ZNF804B: variants seen among roughly 807,000 people sequenced by gnomAD.
The protein encoded by ZNF804B is zinc finger protein 804B.
A neutral mutation model predicts 101.4 loss-of-function variants in ZNF804B; 80 were observed. That is an observed-to-expected ratio of 0.79 (90% confidence interval 0.66 to 0.95). ZNF804B has a LOEUF of 0.95. Among genes scored for constraint, ZNF804B ranks in the 40% least tolerant of loss-of-function variants. The pLI, the probability that ZNF804B is intolerant of heterozygous loss-of-function variation, is 0.00. For missense variants in ZNF804B, 1,673 were observed against 1,561.9 expected, an observed-to-expected ratio of 1.07 and a Z score of -1.20; for synonymous variants, 622 against 558.8, an observed-to-expected ratio of 1.11 and a Z score of -1.59.
In ZNF804B at chr7:89,013,897, A is replaced by G. The variant is rs1788500443; in HGVS notation, c.109-204258A>G. On this transcript the variant is annotated intron_variant, in intron 1 of 3. Coordinates refer to ENST00000333190, the MANE Select transcript of ZNF804B (RefSeq NM_181646.5). ...TAACTTTCTGTTACCAGCTTATTTTATTTAACAACCGCAGGGTCATTTATG... is the reference window on the plus strand; with the variant it reads ...TAACTTTCTGTTACCAGCTTATTTTGTTTAACAACCGCAGGGTCATTTATG... Among the ~76,000 whole-genome samples the G allele has an allele frequency of 3.9e-5, 6 of 152,286 alleles. No homozygotes were observed. The South Asian group carries it at 1.2e-3, about 32-fold the overall frequency.
chr7:89,162,421 A>G (rs761219962), intron 1 of ZNF804B, among the ~76,000 whole-genome samples: 43 of 152,288 alleles, frequency 2.8e-4, no homozygotes, highest in East Asian at 9.7e-4. Flanking sequence ...TGACCCAAAA[A>G]TAGAATCTAG....
At chr7:88,863,567 A>G (rs1415982549) in intron 1 of ZNF804B, among the ~76,000 whole-genome samples, 2 of 152,218 alleles carry the variant, frequency 1.3e-5, no homozygotes, top group Non-Finnish European at 2.9e-5. Flanking sequence ...AAAAAATGAA[A>G]TGAATAATAC....
intron 1 of ZNF804B, among the ~76,000 whole-genome samples, chr7:89,104,925 G>T (rs1790112566): frequency 6.6e-6 from 1 of 152,054 alleles, no homozygotes; most frequent in South Asian, 2.1e-4. Context: ...ACGCAAACAT[G>T]TTCTTCTACT....
intron 1 of ZNF804B, among the ~76,000 whole-genome samples, chr7:88,973,337 A>G (rs1349054611): frequency 6.6e-6 from 1 of 151,368 alleles, no homozygotes; most frequent in Non-Finnish European, 1.5e-5. Context: ...AGCTTGTAAG[A>G]TATAGAATAA....
At chr7:89,208,471 A>C (rs771356989) in intron 1 of ZNF804B, among the ~76,000 whole-genome samples, 2 of 152,206 alleles carry the variant, frequency 1.3e-5, no homozygotes, top group Non-Finnish European at 2.9e-5. Flanking sequence ...ATCATTAAGA[A>C]ATCTGGAAAT....
At chr7:89,079,937 A>G (rs1789671375) in intron 1 of ZNF804B, among the ~76,000 whole-genome samples, 2 of 152,070 alleles carry the variant, frequency 1.3e-5, no homozygotes, top group Non-Finnish European at 2.9e-5. Flanking sequence ...GAGAATCATC[A>G]GGGAACTGGA....
At chr7:89,066,272 A>G (rs1789453378) in intron 1 of ZNF804B, among the ~76,000 whole-genome samples, 1 of 152,060 alleles carries the variant, frequency 6.6e-6, no homozygotes, top group African/African-American at 2.4e-5. Context: ...GCTTCCCAGG[A>G]GTAGTCCTAC....
intron 1 of ZNF804B, among the ~76,000 whole-genome samples, chr7:89,005,734 G>A (rs1358113707): frequency 6.6e-6 from 1 of 152,056 alleles, no homozygotes; most frequent in South Asian, 2.1e-4. Flanking sequence ...TCAAAAAGCA[G>A]AAGTGTTTCC....
At chr7:89,094,783 G>T (rs1789947395) in intron 1 of ZNF804B, among the ~76,000 whole-genome samples, 1 of 151,766 alleles carries the variant, frequency 6.6e-6, no homozygotes, top group Non-Finnish European at 1.5e-5. Context: ...ACATTAAAAA[G>T]TCATTACATA....
At chr7:88,800,305 A>G (rs1354359004) in intron 1 of ZNF804B, among the ~76,000 whole-genome samples, 2 of 152,086 alleles carry the variant, frequency 1.3e-5, no homozygotes, top group Non-Finnish European at 2.9e-5. Flanking sequence ...AACAAACTAC[A>G]TTACTTTCTC....
At chr7:88,940,823 A>G (rs1308048277) in intron 1 of ZNF804B, among the ~76,000 whole-genome samples, 1 of 146,576 alleles carries the variant, frequency 6.8e-6, no homozygotes, top group Non-Finnish European at 1.5e-5. Flanking sequence ...GTATCTCAAG[A>G]CAATGAGAAG....
chr7:89,001,056 G>T (rs1788280140), intron 1 of ZNF804B, among the ~76,000 whole-genome samples: 1 of 147,176 alleles, frequency 6.8e-6, no homozygotes, highest in Non-Finnish European at 1.5e-5. Context: ...TCAGGGGTGG[G>T]GATGGGGTTG....
At chr7:88,997,845 T>C (rs150758998) in intron 1 of ZNF804B, among the ~76,000 whole-genome samples, 3 of 152,244 alleles carry the variant, frequency 2.0e-5, no homozygotes, top group African/African-American at 7.2e-5. Context: ...GAAATGCCAT[T>C]TTGCCATTAA....
intron 1 of ZNF804B, among the ~76,000 whole-genome samples, chr7:89,066,775 T>C (rs1052002851): frequency 6.6e-6 from 1 of 152,032 alleles, no homozygotes; most frequent in African/African-American, 2.4e-5. Flanking sequence ...TTGTTTTGAT[T>C]TTTTGAGACG....
chr7:88,897,212 G>A (rs759214158), intron 1 of ZNF804B, among the ~76,000 whole-genome samples: 21 of 152,146 alleles, frequency 1.4e-4, no homozygotes, highest in Non-Finnish European at 2.5e-4. Context: ...AAAATGGGGA[G>A]ATCATCCTGG....
intron 1 of ZNF804B, among the ~76,000 whole-genome samples, chr7:88,818,862 G>A (rs1298227583): frequency 6.6e-6 from 1 of 152,078 alleles, no homozygotes; most frequent in Non-Finnish European, 1.5e-5. Context: ...GAACTGTCAG[G>A]TCTATCACAA....
intron 1 of ZNF804B, among the ~76,000 whole-genome samples, chr7:88,848,414 T>C (rs1289717541): frequency 1.3e-5 from 2 of 152,062 alleles, no homozygotes; most frequent in Non-Finnish European, 2.9e-5. Flanking sequence ...CAAACACAAC[T>C]GCATAGGTGT....
intron 1 of ZNF804B, among the ~76,000 whole-genome samples, chr7:89,062,458 G>A (rs561669266): frequency 6.5e-4 from 99 of 151,920 alleles, no homozygotes; most frequent in African/African-American, 2.3e-3. Flanking sequence ...GCGTTTTCTT[G>A]GCAGTCTCTC....
intron 1 of ZNF804B, among the ~76,000 whole-genome samples, chr7:89,151,887 T>C (rs1790882639): frequency 6.6e-6 from 1 of 152,126 alleles, no homozygotes; most frequent in African/African-American, 2.4e-5. Context: ...GGTCACATGA[T>C]AAGATACCTA....
Sources: allele counts gnomAD v4.1 joint callset (sites outside exome capture counted in the v4.1 genomes callset), GRCh38; gene constraint gnomAD v4.1.1; transcripts MANE v1.5; gene names NCBI Gene and HGNC (gene_info 2026-07-23, HGNC 2026-07-21).